Variants in DENND1A observed in about 807,000 individuals in gnomAD.
DENND1A encodes DENN domain-containing protein 1A.
A neutral mutation model predicts 113.7 loss-of-function variants in DENND1A; 51 were observed. The observed-to-expected ratio is 0.45, with a 90% confidence interval of 0.36 to 0.57. The LOEUF (loss-of-function observed/expected upper bound fraction) is 0.57. DENND1A is among the 20% of genes least tolerant of loss of function. The probability of loss-of-function intolerance (pLI) is 0.00; values close to 1 mark genes in which losing one functional copy is unlikely to be tolerated. For missense variants in DENND1A, 1,258 were observed against 1,395.9 expected, an observed-to-expected ratio of 0.90 and a Z score of 1.57; for synonymous variants, 565 against 570.8, an observed-to-expected ratio of 0.99 and a Z score of 0.14.
chr9:123,748,275 T>C (rs1451347496), intron 5 of DENND1A, among the ~76,000 whole-genome samples: 1 of 152,206 alleles, frequency 6.6e-6, no homozygotes, highest in African/African-American at 2.4e-5. Context: ...CCTTAGTCAT[T>C]ATCAGCATGG....
intron 19 of DENND1A, among the ~76,000 whole-genome samples, chr9:123,415,835 C>T (rs576313865): frequency 1.3e-5 from 2 of 152,202 alleles, no homozygotes; most frequent in South Asian, 2.1e-4. Context: ...CTAGACAGGG[C>T]GTGGTGGGGC....
rs868727615 is a variant in DENND1A at position 123,597,911 on chromosome 9, C to T, written c.765+11525G>A. On this transcript the variant is annotated intron_variant, in intron 11 of 23. Coordinates refer to ENST00000394215, the MANE Select transcript of DENND1A (RefSeq NM_001352964.2). Reference sequence around the variant, plus strand: ...AAAGACGACCCCATCTTGCAGACAACGTATCAGCCTGGCTGCCAGAGGCAG... The same window carrying T: ...AAAGACGACCCCATCTTGCAGACAATGTATCAGCCTGGCTGCCAGAGGCAG... Among the ~76,000 whole-genome samples the T allele has an allele frequency of 3.9e-5, 6 of 152,224 alleles. No homozygotes were observed. In the Middle Eastern group the frequency reaches 0.01, roughly 259 times the overall value.
intron 13 of DENND1A, 26 bp downstream of exon 13, chr9:123,557,544 C>T: frequency 6.2e-7 from 1 of 1,612,282 alleles, no homozygotes; most frequent in Non-Finnish European, 8.5e-7. Context: ...CAAACACAGG[C>T]TCTGTGACAT....
intron 13 of DENND1A, among the ~76,000 whole-genome samples, chr9:123,470,534 G>GTCA: frequency 6.6e-6 from 1 of 152,156 alleles, no homozygotes; most frequent in Non-Finnish European, 1.5e-5. Flanking sequence ...CACGTGTCAG[G>GTCA]GACCTGATAG....
At chr9:123,500,172 C>G (rs954145721) in intron 13 of DENND1A, among the ~76,000 whole-genome samples, 25 of 152,140 alleles carry the variant, frequency 1.6e-4, no homozygotes, top group Admixed American at 2.6e-4. Flanking sequence ...TATTTTTTCC[C>G]AGGTTCCATC....
At chr9:123,444,616 G>T (rs1484708660) in intron 18 of DENND1A, among the ~76,000 whole-genome samples, 1 of 152,082 alleles carries the variant, frequency 6.6e-6, no homozygotes, top group Non-Finnish European at 1.5e-5. Context: ...ACTGCGCCAG[G>T]CAACAGAGTA....
At chr9:123,543,040 C>T (rs533750492) in intron 13 of DENND1A, among the ~76,000 whole-genome samples, 1 of 152,336 alleles carries the variant, frequency 6.6e-6, no homozygotes, top group Admixed American at 6.5e-5. Context: ...AATGGCGGCT[C>T]AGCTCTGCGT....
chr9:123,661,458 AGAACACT>A (rs1265081443), intron 8 of DENND1A, among the ~76,000 whole-genome samples: 4 of 152,250 alleles, frequency 2.6e-5, no homozygotes, highest in African/African-American at 9.6e-5. Context: ...CTCAGCTTCC[AGAACACT>A]GATAATAAAG....
At chr9:123,559,174 A>G (rs535730729) in intron 12 of DENND1A, among the ~76,000 whole-genome samples, 1 of 152,328 alleles carries the variant, frequency 6.6e-6, no homozygotes, top group East Asian at 1.9e-4. Context: ...TTCAGGGAAC[A>G]GAAAGAACCC....
At chr9:123,577,809 C>T (rs1004836953) in intron 12 of DENND1A, among the ~76,000 whole-genome samples, 6 of 152,160 alleles carry the variant, frequency 3.9e-5, no homozygotes, top group African/African-American at 1.4e-4. Flanking sequence ...CATTTTAGGA[C>T]CCCTAAAGCC....
intron 9 of DENND1A, among the ~76,000 whole-genome samples, chr9:123,645,082 C>T (rs1007863210): frequency 1.3e-5 from 2 of 152,184 alleles, no homozygotes; most frequent in African/African-American, 4.8e-5. Context: ...AATCAATATA[C>T]ATTAACTGAG....
intron 5 of DENND1A, among the ~76,000 whole-genome samples, chr9:123,729,914 T>C (rs1010278749): frequency 3.4e-4 from 52 of 152,234 alleles, no homozygotes; most frequent in African/African-American, 1.2e-3. Context: ...AACAGATATA[T>C]AGACCAAGGG....
At chr9:123,593,795 C>T (rs1212362166) in intron 11 of DENND1A, among the ~76,000 whole-genome samples, 4 of 152,034 alleles carry the variant, frequency 2.6e-5, no homozygotes, top group Non-Finnish European at 5.9e-5. Context: ...CTCTGTGTTC[C>T]CACCCAGATC....
intron 2 of DENND1A, among the ~76,000 whole-genome samples, chr9:123,794,897 C>T (rs1030741027): frequency 6.6e-6 from 1 of 152,060 alleles, no homozygotes; most frequent in Non-Finnish European, 1.5e-5. Flanking sequence ...AAGAAGGAGG[C>T]CATTCAAACT....
At chr9:123,887,482 G>A (rs1173328415) in intron 1 of DENND1A, among the ~76,000 whole-genome samples, 1 of 152,056 alleles carries the variant, frequency 6.6e-6, no homozygotes, top group East Asian at 1.9e-4. Flanking sequence ...TGGGCCTGGG[G>A]TGTTGAAGCA....
At chr9:123,409,873 C>G (rs2131482783) in intron 20 of DENND1A, among the ~76,000 whole-genome samples, 1 of 152,198 alleles carries the variant, frequency 6.6e-6, no homozygotes, top group Admixed American at 6.5e-5. Flanking sequence ...GGGCGGATCA[C>G]AAGGTCAGGA....
intron 21 of DENND1A, among the ~76,000 whole-genome samples, chr9:123,402,260 A>ACGCACG (rs66507006): frequency 3.3e-5 from 5 of 151,704 alleles, no homozygotes; most frequent in Non-Finnish European, 5.9e-5. Flanking sequence ...ACACACACAC[A>ACGCACG]CACGCACGCA....
chr9:123,919,109 G>A (rs1174140640), intron 1 of DENND1A, among the ~76,000 whole-genome samples: 2 of 152,072 alleles, frequency 1.3e-5, no homozygotes, highest in African/African-American at 4.8e-5. Flanking sequence ...TGATTCAAAC[G>A]AATCCACCGT....
intron 1 of DENND1A, among the ~76,000 whole-genome samples, chr9:123,890,826 C>A (rs949814082): frequency 6.6e-6 from 1 of 152,118 alleles, no homozygotes; most frequent in Non-Finnish European, 1.5e-5. Context: ...CAACTTTATA[C>A]CTCCAACATA....
Sources: allele counts gnomAD v4.1 joint callset (sites outside exome capture counted in the v4.1 genomes callset), GRCh38; gene constraint gnomAD v4.1.1; transcripts MANE v1.5; gene names NCBI Gene and HGNC (gene_info 2026-07-23, HGNC 2026-07-21).